RNF139: variants seen among roughly 807,000 people sequenced by gnomAD.
RNF139 encodes E3 ubiquitin-protein ligase RNF139.
In RNF139, 15 loss-of-function variants were observed where a neutral mutation model predicts 49.5. The observed-to-expected ratio is 0.30, with a 90% CI of 0.20 to 0.47. The LOEUF (loss-of-function observed/expected upper bound fraction) is 0.47, where lower values mean the gene tolerates loss of function less well. Among genes scored for constraint, RNF139 ranks in the 20% least tolerant of loss-of-function variants. RNF139 has a pLI of 1.00. For synonymous variants in RNF139, 325 were observed against 300.9 expected, an observed-to-expected ratio of 1.08 and a Z score of -0.83; for missense variants, 619 against 806.3, an observed-to-expected ratio of 0.77 and a Z score of 2.81.
chr8:124,488,418 T>C lies in RNF139; in HGVS notation c.*774T>C. 2.3e-6 allele frequency: 1 copy of C among 444,276 alleles called. No individual in the cohort carries two copies. Among genetic ancestry groups the C allele is most frequent in the East Asian group, 3.8e-5 (1 of 26,436 alleles). The allele number at this position is 444,276 out of a possible 1,614,324, so 27.5% of individuals were successfully genotyped here. A position where few individuals can be genotyped will look rare whatever the true frequency, so the allele number is the denominator to read the frequency against. On this transcript the variant is annotated 3_prime_UTR_variant, in exon 2 of 2. Transcript: ENST00000303545. Reference sequence around the variant, plus strand: ...TGTTTTAAACTAAGATACTCAATGATATAAAAACATCCTGATCTGATTTTA... The same window carrying C: ...TGTTTTAAACTAAGATACTCAATGACATAAAAACATCCTGATCTGATTTTA...
Position 124,487,507 on chromosome 8 carries a change from G to A in RNF139, c.1858G>A (p.Glu620Lys). Residue 620 changes from glutamate to lysine, a missense_variant, in exon 2 of 2, where the codon GAA becomes AAA. Coordinates refer to ENST00000303545, the MANE Select transcript of RNF139 (RefSeq NM_007218.4). ...TGAAACTCCAGAGGAAGCTGTAAGA[G>A]AAGCTGCTGCTGAATCTGACAGGGA... ...PNETPEEAVR[E>K]AAAESDRELN... 2 of 1,614,126 alleles carry A rather than the reference G, an allele frequency of 1.2e-6. No homozygotes were observed. The highest frequency in any genetic ancestry group is 1.7e-6 in the Non-Finnish European group (2 of 1,180,010).
chr8:124,486,216 TAC>T lies in RNF139; in HGVS notation c.569_570del (p.Thr190SerfsTer72). On this transcript the variant is annotated frameshift_variant, in exon 2 of 2. Coordinates refer to ENST00000303545, the MANE Select transcript of RNF139 (RefSeq NM_007218.4). LOFTEE classifies it high-confidence loss of function. Reference protein sequence around the residue: ...FTSSLILTLNTVFVLAVKLKW... With the variant: ...FTSSLILTLNXVFVLAVKLKW... ...CTTCTTCCTTGATTCTCACATTAAA[TAC>T]AGTGTTTGTCCTGGCAGTGAAACTG... is the stretch of plus-strand genomic sequence containing the variant. The T allele has an allele frequency of 6.2e-7, 1 of 1,614,208 alleles. No individual in the cohort carries two copies. The highest frequency in any genetic ancestry group is 8.5e-7 in the Non-Finnish European group (1 of 1,180,024).
Position 124,475,293 on chromosome 8 carries a change from A to G in RNF139, c.181+3A>G. 1.9e-6 allele frequency: 3 copies of G among 1,612,158 alleles called. No homozygotes were observed. The highest frequency in any genetic ancestry group is 2.5e-6 in the Non-Finnish European group (3 of 1,178,938). On this transcript the variant is annotated splice_donor_region_variant and intron_variant, in intron 1 of 1. Coordinates refer to ENST00000303545, the MANE Select transcript of RNF139 (RefSeq NM_007218.4). Reference sequence around the variant, plus strand: ...CCAGATCTTCCTCCGGCTCTTTGGTAAGGGAACAGGGTACCGTACGTCCCG... The same window carrying G: ...CCAGATCTTCCTCCGGCTCTTTGGTGAGGGAACAGGGTACCGTACGTCCCG...
At chr8:124,481,426 A>G (rs966548837) in intron 1 of RNF139, among the ~76,000 whole-genome samples, 1 of 152,212 alleles carries the variant, frequency 6.6e-6, no homozygotes. Context: ...GACTTTACAC[A>G]TAAAAGAGTG....
rs373200932 is a variant in RNF139 at position 124,485,982 on chromosome 8, G to A, written c.333G>A (p.Thr111=). 5.8e-5 allele frequency: 93 copies of A among 1,614,160 alleles called. 2 individuals carry two copies. Among genetic ancestry groups the A allele is most frequent in the Middle Eastern group, 3.3e-4 (2 of 6,062 alleles). Residue 111 remains threonine, a synonymous_variant, in exon 2 of 2, where the codon ACG becomes ACA. Coordinates refer to ENST00000303545, the MANE Select transcript of RNF139 (RefSeq NM_007218.4). ...TTGACTTCTATGGTGCCTACAACACGTCAGCTTTTGGAATTGAGCTGCTTC... is the reference window on the plus strand; with the variant it reads ...TTGACTTCTATGGTGCCTACAACACATCAGCTTTTGGAATTGAGCTGCTTC... ...LHIDFYGAYN[T]SAFGIELLPR... is the part of the protein sequence containing the mutation.
chr8:124,478,896 T>C (rs1291435592), intron 1 of RNF139, among the ~76,000 whole-genome samples: 1 of 151,006 alleles, frequency 6.6e-6, no homozygotes, highest in African/African-American at 2.4e-5. Context: ...CAAATTTTTT[T>C]CTATTTTTAG....
At chr8:124,479,093 G>GTGTTT (rs1292937651) in intron 1 of RNF139, among the ~76,000 whole-genome samples, 2 of 151,904 alleles carry the variant, frequency 1.3e-5, no homozygotes, top group Non-Finnish European at 2.9e-5. Flanking sequence ...TGACTTCTCA[G>GTGTTT]TGTTTTGTTT....
In RNF139 at chr8:124,488,537, A is replaced by G. The variant is rs749661923; in HGVS notation, c.*893A>G. The G allele has an allele frequency of 2.3e-6, 2 of 878,396 alleles. No individual in the cohort carries two copies. The highest frequency in any genetic ancestry group is 3.7e-6 in the Non-Finnish European group (2 of 543,708). 54.4% of individuals were successfully genotyped at this position (878,396 alleles called of 1,614,324 possible). On this transcript the variant is annotated 3_prime_UTR_variant, in exon 2 of 2. Coordinates refer to ENST00000303545, the MANE Select transcript of RNF139 (RefSeq NM_007218.4). ...AGATAATTTCTTTATTGAAACTATC[A>G]GGAAGTTTTACTATGAAATTTTACA...
rs1816539748 is a variant in RNF139, at chr8:124,486,766, C to A, written c.1117C>A (p.Pro373Thr). ...VLHFIHGMTD[P>T]VLMSLSASHV... ...GCATTTTATCCATGGAATGACAGAC[C>A]CTGTATTAATGTCTCTCAGTGCCTC... The change falls in exon 2 of 2, where the codon CCT becomes ACT. Residue 373 changes from proline (P) to threonine (T), a missense_variant. This residue lies in a region of RNF139 where 530 missense variants were observed against 728.9 expected (regional missense o/e 0.73). Coordinates refer to ENST00000303545, the MANE Select transcript of RNF139 (RefSeq NM_007218.4). The A allele has an allele frequency of 6.2e-7, 1 of 1,613,800 alleles. No homozygotes were observed. Among genetic ancestry groups the A allele is most frequent in the Non-Finnish European group, 8.5e-7 (1 of 1,179,930 alleles).
At chr8:124,480,078 G>C (rs1816381245) in intron 1 of RNF139, among the ~76,000 whole-genome samples, 1 of 151,880 alleles carries the variant, frequency 6.6e-6, no homozygotes, top group Non-Finnish European at 1.5e-5. Context: ...GGCTGCAAGT[G>C]AGCTATGATT....
At chr8:124,480,228 A>T (rs1816385807) in intron 1 of RNF139, among the ~76,000 whole-genome samples, 2 of 152,054 alleles carry the variant, frequency 1.3e-5, no homozygotes, top group Non-Finnish European at 2.9e-5. Flanking sequence ...TTAGAAAAAA[A>T]TATGGAATAT....
Position 124,475,114 on chromosome 8 carries a change from C to T in RNF139, c.5C>T (p.Ala2Val), listed in dbSNP as rs776826637. The change falls in exon 1 of 2, where the codon GCG becomes GTG. Residue 2 changes from alanine to valine, a missense_variant. Ala to Val is a moderately conservative substitution (Grantham distance 64). Transcript: ENST00000303545. M[A>V]AVGPPQQQVR... is the part of the protein sequence containing the mutation. ...GCCCTGGTGTGGCAGCGGCTCATGG[C>T]GGCCGTGGGGCCCCCGCAGCAGCAG... 1.8e-5 allele frequency: 28 copies of T among 1,590,210 alleles called. No individual in the cohort carries two copies. The highest frequency in any genetic ancestry group is 1.7e-4 in the Middle Eastern group (1 of 5,986).
intron 1 of RNF139, among the ~76,000 whole-genome samples, chr8:124,481,441 A>G (rs1456760688): frequency 6.6e-6 from 1 of 151,848 alleles, no homozygotes; most frequent in Non-Finnish European, 1.5e-5. Context: ...AGAGTGAAAC[A>G]CTTTGTTATG....
chr8:124,475,119 G>C lies in RNF139; in HGVS notation c.10G>C (p.Val4Leu). 3.1e-6 allele frequency: 5 copies of C among 1,593,108 alleles called. No homozygotes were observed. The highest frequency in any genetic ancestry group is 4.3e-6 in the Non-Finnish European group (5 of 1,173,248). ...GGTGTGGCAGCGGCTCATGGCGGCCGTGGGGCCCCCGCAGCAGCAGGTGCG... is the reference window on the plus strand; with the variant it reads ...GGTGTGGCAGCGGCTCATGGCGGCCCTGGGGCCCCCGCAGCAGCAGGTGCG... MAA[V>L]GPPQQQVRMA... is the part of the protein sequence containing the mutation. Residue 4 changes from valine (V) to leucine (L), a missense_variant, in exon 1 of 2, where the codon GTG becomes CTG. This residue lies in a region of RNF139 where 89 missense variants were observed against 77.5 expected (regional missense o/e 1.15). Coordinates refer to ENST00000303545, the MANE Select transcript of RNF139 (RefSeq NM_007218.4).
chr8:124,485,380 A>G (rs887765164), intron 1 of RNF139, among the ~76,000 whole-genome samples: 2 of 152,184 alleles, frequency 1.3e-5, no homozygotes, highest in Non-Finnish European at 2.9e-5. Flanking sequence ...GTCAATAATA[A>G]ATGAATCTAA....
chr8:124,481,170 A>C (rs945086606), intron 1 of RNF139, among the ~76,000 whole-genome samples: 1 of 152,218 alleles, frequency 6.6e-6, no homozygotes, highest in Non-Finnish European at 1.5e-5. Flanking sequence ...CAAGTATACC[A>C]ACAGATTAAC....
intron 1 of RNF139, chr8:124,483,375 A>T (rs1387964363): frequency 6.6e-6 from 1 of 151,506 alleles, no homozygotes; most frequent in African/African-American, 2.4e-5. Context: ...TACTGTAATA[A>T]TATGCAATGT....
Position 124,486,885 on chromosome 8 carries a change from T to C in RNF139, c.1236T>C (p.His412=), listed in dbSNP as rs916602845. Residue 412 remains histidine, a synonymous_variant, in exon 2 of 2, where the codon CAT becomes CAC. Transcript: ENST00000303545. ...TCTTACTCAGTTATGTTCTTTGGCA[T>C]CACTATGCACTAAATACATGGTTGT... ...LPVLLSYVLW[H]HYALNTWLFA... is the part of the protein sequence containing the mutation. 3.7e-6 allele frequency: 6 copies of C among 1,613,914 alleles called. No individual in the cohort carries two copies. Among genetic ancestry groups the C allele is most frequent in the Middle Eastern group, 1.6e-4 (1 of 6,084 alleles).
intron 1 of RNF139, among the ~76,000 whole-genome samples, chr8:124,480,539 G>A (rs951348514): frequency 6.6e-6 from 1 of 152,182 alleles, no homozygotes; most frequent in African/African-American, 2.4e-5. Flanking sequence ...GATGTACAAG[G>A]TGAGACAAAG....
Sources: allele counts gnomAD v4.1 joint callset (sites outside exome capture counted in the v4.1 genomes callset), GRCh38; gene constraint gnomAD v4.1.1; regional missense constraint gnomAD v4.1.1; transcripts MANE v1.5; gene names NCBI Gene and HGNC (gene_info 2026-07-23, HGNC 2026-07-21).